EBF1: variants seen among roughly 807,000 people sequenced by gnomAD.
EBF1 encodes transcription factor COE1.
In EBF1, 10 loss-of-function variants were observed where a neutral mutation model predicts 68.4. The observed-to-expected ratio is 0.15, with a 90% CI of 0.09 to 0.25. The LOEUF is 0.25. EBF1 is among the 10% of genes least tolerant of loss of function. EBF1 has a pLI of 1.00. For missense variants in EBF1, 509 were observed against 794.4 expected, an observed-to-expected ratio of 0.64 and a Z score of 4.32; for synonymous variants, 298 against 299.8, an observed-to-expected ratio of 0.99 and a Z score of 0.06.
intron 9 of EBF1, among the ~76,000 whole-genome samples, chr5:158,783,728 G>A (rs1776865371): frequency 6.6e-6 from 1 of 152,208 alleles, no homozygotes. Context: ...TAAAGCCACT[G>A]TGGCCATGAC....
At position 158,827,507 on chromosome 5, in the gene EBF1, C is replaced by CAGTTCAGT. The variant is rs1177707967; in HGVS notation, c.637-4198_637-4191dup. 2.0e-5 allele frequency among the ~76,000 whole-genome samples: 3 copies of CAGTTCAGT among 152,274 alleles called. No homozygotes were observed. The East Asian group carries it at 5.8e-4, about 29-fold the overall frequency. On this transcript the variant is annotated intron_variant, in intron 7 of 15. Transcript: ENST00000313708. ...ATAGTCTGTAAATGAGATGTCTCAT[C>CAGTTCAGT]AGTTCAGTCTAGTTTTCCCAATATT...
intron 10 of EBF1, among the ~76,000 whole-genome samples, chr5:158,766,729 T>C (rs986482932): frequency 5.9e-5 from 9 of 152,180 alleles, no homozygotes; most frequent in African/African-American, 2.2e-4. Flanking sequence ...TGGACTATTA[T>C]ACACCCACCA....
intron 6 of EBF1, among the ~76,000 whole-genome samples, chr5:158,966,703 C>T (rs561009387): frequency 4.6e-5 from 7 of 152,182 alleles, no homozygotes; most frequent in Non-Finnish European, 8.8e-5. Context: ...TGAATTCTTA[C>T]ACTGCTATCC....
chr5:158,817,909 C>T (rs1029307611), intron 8 of EBF1, among the ~76,000 whole-genome samples: 1 of 152,202 alleles, frequency 6.6e-6, no homozygotes, highest in African/African-American at 2.4e-5. Flanking sequence ...GACACCTTAT[C>T]CCTTGGCTGG....
intron 8 of EBF1, among the ~76,000 whole-genome samples, chr5:158,804,734 ACT>A (rs1352202465): frequency 6.6e-6 from 1 of 152,142 alleles, no homozygotes; most frequent in Admixed American, 6.6e-5. Flanking sequence ...GTGTGACTAC[ACT>A]GTTTTCCACC....
chr5:158,760,034 T>A (rs1561847003), intron 10 of EBF1, among the ~76,000 whole-genome samples: 2 of 152,304 alleles, frequency 1.3e-5, no homozygotes, highest in East Asian at 3.9e-4. Flanking sequence ...TGAAATACAG[T>A]CTGCCATTTT....
At chr5:158,800,773 T>C (rs903052240) in intron 8 of EBF1, among the ~76,000 whole-genome samples, 2 of 152,062 alleles carry the variant, frequency 1.3e-5, no homozygotes, top group Non-Finnish European at 2.9e-5. Context: ...ATAGTCACAG[T>C]GGATGGATTC....
At chr5:158,873,142 C>T (rs1407119563) in intron 6 of EBF1, among the ~76,000 whole-genome samples, 1 of 151,528 alleles carries the variant, frequency 6.6e-6, no homozygotes, top group African/African-American at 2.4e-5. Flanking sequence ...AATGGGACTC[C>T]TGTGCCATTA....
intron 8 of EBF1, among the ~76,000 whole-genome samples, chr5:158,815,729 A>G (rs1001021755): frequency 6.6e-6 from 1 of 152,186 alleles, no homozygotes; most frequent in Non-Finnish European, 1.5e-5. Context: ...GCTGGCTACC[A>G]TATCCCCAGT....
At chr5:158,849,971 TCA>T (rs1232778292) in intron 6 of EBF1, among the ~76,000 whole-genome samples, 1 of 152,238 alleles carries the variant, frequency 6.6e-6, no homozygotes, top group Non-Finnish European at 1.5e-5. Flanking sequence ...GCTATCCATC[TCA>T]CACTCTGTAA....
rs986981163 is a variant in EBF1, at chr5:158,696,780, A to G, written c.*2331T>C. On this transcript the variant is annotated 3_prime_UTR_variant, in exon 16 of 16. Transcript: ENST00000313708. ...ACAGCCTAGTGAAAACCATTGCAAA[A>G]TCCATATGGGGGCATGCACAGTTGC... 5.0e-6 allele frequency: 1 copy of G among 200,898 alleles called. No homozygotes were observed. Among genetic ancestry groups the G allele is most frequent in the Admixed American group, 6.0e-5 (1 of 16,586 alleles). The allele number at this position is 200,898 out of a possible 1,614,324, so 12.4% of individuals were successfully genotyped here.
At chr5:159,065,130 C>A (rs975787019) in intron 6 of EBF1, among the ~76,000 whole-genome samples, 1 of 151,978 alleles carries the variant, frequency 6.6e-6, no homozygotes, top group Non-Finnish European at 1.5e-5. Context: ...ACATTAAAAA[C>A]AGGTGGGGAA....
intron 6 of EBF1, among the ~76,000 whole-genome samples, chr5:158,993,196 G>A (rs890616992): frequency 6.6e-6 from 1 of 151,664 alleles, no homozygotes. Context: ...ACAGGTGCAC[G>A]CTGCTACACC....
chr5:159,072,724 C>T (rs941748867), intron 6 of EBF1, among the ~76,000 whole-genome samples: 95 of 152,240 alleles, frequency 6.2e-4, no homozygotes, highest in African/African-American at 2.2e-3. Flanking sequence ...TTGCATAATG[C>T]GTGCACACTG....
At chr5:158,898,194 C>G (rs1802548227) in intron 6 of EBF1, among the ~76,000 whole-genome samples, 1 of 152,126 alleles carries the variant, frequency 6.6e-6, no homozygotes, top group Non-Finnish European at 1.5e-5. Flanking sequence ...CTACTGAAGA[C>G]CAGAGACATC....
chr5:158,796,256 G>C (rs753572261), intron 9 of EBF1, 89 bp downstream of exon 9: 3 of 1,327,744 alleles, frequency 2.3e-6, no homozygotes, highest in Non-Finnish European at 2.9e-6. Flanking sequence ...GGCACCACTA[G>C]AGTCTACACA....
rs146133827 is a variant in EBF1 at position 158,792,804 on chromosome 5, T to G, written c.909+3541A>C. Among the ~76,000 whole-genome samples, 30 of 152,326 alleles carry G rather than the reference T, an allele frequency of 2.0e-4. No homozygotes were observed. The East Asian group carries it at 5.6e-3, about 28-fold the overall frequency. ...TCCTTTACTTCATAAAGATAAATTC[T>G]ACCTAGAATCCAGTGGTGCCGATCA... On this transcript the variant is annotated intron_variant, in intron 9 of 15. Coordinates refer to ENST00000313708, the MANE Select transcript of EBF1 (RefSeq NM_024007.5).
At chr5:158,913,838 A>G (rs945047392) in intron 6 of EBF1, among the ~76,000 whole-genome samples, 9 of 152,248 alleles carry the variant, frequency 5.9e-5, no homozygotes, top group South Asian at 4.1e-4. Flanking sequence ...TCCGCAAATA[A>G]AATATCTGTA....
chr5:159,004,610 T>C (rs953443346), intron 6 of EBF1, among the ~76,000 whole-genome samples: 3 of 152,152 alleles, frequency 2.0e-5, no homozygotes, highest in Non-Finnish European at 4.4e-5. Context: ...GAAAGGTAGT[T>C]ATTGCTGCCA....
Sources: gnomAD v4.1 joint callset for allele counts (sites outside exome capture counted in the v4.1 genomes callset) on GRCh38, gnomAD v4.1.1 for gene constraint, MANE v1.5 for transcripts, NCBI Gene and HGNC (gene_info 2026-07-23, HGNC 2026-07-21) for gene names.